DCAF1: variants seen among roughly 807,000 people sequenced by gnomAD.
DCAF1 encodes DDB1 and CUL4 associated factor 1.
In DCAF1, 15 loss-of-function variants were observed where a neutral mutation model predicts 128.0. The observed-to-expected ratio is 0.12, with a 90% confidence interval of 0.08 to 0.18. The LOEUF is 0.18. DCAF1 is among the 10% of genes least tolerant of loss of function. The probability of loss-of-function intolerance (pLI) is 1.00; values close to 1 mark genes in which losing one functional copy is unlikely to be tolerated. For synonymous variants in DCAF1, 610 were observed against 603.0 expected (o/e 1.01, Z -0.17); for missense variants, 988 against 1,649.5 (o/e 0.60, Z 6.95).
chr3:51,499,979 C>A lies in DCAF1; in HGVS notation c.-162G>T, dbSNP rs1305372622. 1 of 150,764 alleles carries A rather than the reference C, an allele frequency of 6.6e-6. No individual in the cohort carries two copies. The highest frequency in any genetic ancestry group is 1.5e-5 in the Non-Finnish European group (1 of 67,576). The allele number at this position is 150,764 out of a possible 1,614,324, so 9.3% of individuals were successfully genotyped here. A position where few individuals can be genotyped will look rare whatever the true frequency, so the allele number is the denominator to read the frequency against. On this transcript the variant is annotated 5_prime_UTR_variant, in exon 1 of 25. Transcript: ENST00000684031. ...CTCACTCTCCACTCACACACACACACAGCGCGACCACGGCTCCACAGCGGC... is the reference window on the plus strand; with the variant it reads ...CTCACTCTCCACTCACACACACACAAAGCGCGACCACGGCTCCACAGCGGC...
rs1429855354 is a variant in DCAF1, at chr3:51,428,459, G to GAACT, written c.1677+798_1677+801dup. 6.0e-5 allele frequency among the ~76,000 whole-genome samples: 9 copies of GAACT among 150,172 alleles called. 1 individual carries two copies. The highest frequency in any genetic ancestry group is 2.0e-4 in the Admixed American group (3 of 14,806). ...CCCACCTCTGCCTCCCAAGTAGCTA[G>GAACT]AACTACAGATGCACACCACAGGGCC... is the stretch of plus-strand genomic sequence containing the variant. On this transcript the variant is annotated intron_variant, in intron 12 of 24. Transcript: ENST00000684031.
At chr3:51,413,129 T>G (rs1698580181) in intron 21 of DCAF1, 63 bp from the exon 22 acceptor site, 1 of 1,601,556 alleles carries the variant, frequency 6.2e-7, no homozygotes, top group African/African-American at 1.3e-5. Context: ...AACCTGCTTT[T>G]CCTCTAAAGG....
intron 15 of DCAF1, 56 bp from the exon 16 acceptor site, chr3:51,418,932 G>A: frequency 6.6e-7 from 1 of 1,512,796 alleles, no homozygotes; most frequent in South Asian, 1.3e-5. Context: ...CTCAGAAAAA[G>A]CAAACTGCTA....
chr3:51,491,777 G>T (rs185716066), intron 2 of DCAF1, among the ~76,000 whole-genome samples: 1 of 152,028 alleles, frequency 6.6e-6, no homozygotes, highest in African/African-American at 2.4e-5. Context: ...TCCAGGAGGC[G>T]GAGGTTGCAG....
chr3:51,491,428 G>C (rs933125284), intron 2 of DCAF1, among the ~76,000 whole-genome samples: 16 of 151,774 alleles, frequency 1.1e-4, no homozygotes, highest in Admixed American at 3.9e-4. Flanking sequence ...GAACAGCATG[G>C]CACTGACATA....
chr3:51,485,969 G>A (rs539893591), intron 2 of DCAF1, among the ~76,000 whole-genome samples: 1 of 150,154 alleles, frequency 6.7e-6, no homozygotes, highest in East Asian at 2.0e-4. Flanking sequence ...TCGGCTCACT[G>A]TAACGTCTAC....
At chr3:51,436,421 C>T (rs569372079) in intron 9 of DCAF1, 1 of 520,060 alleles carries the variant, frequency 1.9e-6, no homozygotes, top group South Asian at 1.4e-5. Context: ...TCTGAGGATG[C>T]TAGAATACGG....
chr3:51,499,373 G>C (rs1251853134), intron 1 of DCAF1, among the ~76,000 whole-genome samples: 1 of 152,176 alleles, frequency 6.6e-6, no homozygotes, highest in African/African-American at 2.4e-5. Context: ...AGGCAGGCGG[G>C]TGCAGGGAGA....
chr3:51,403,083 C>T, intron 24 of DCAF1, 60 bp downstream of exon 24: 1 of 1,543,668 alleles, frequency 6.5e-7, no homozygotes, highest in Non-Finnish European at 8.7e-7. Flanking sequence ...TGTATGGGCA[C>T]AAAAGAAGGG....
intron 3 of DCAF1, among the ~76,000 whole-genome samples, chr3:51,479,140 A>G (rs1360005582): frequency 6.6e-6 from 1 of 152,152 alleles, no homozygotes; most frequent in Non-Finnish European, 1.5e-5. Flanking sequence ...AAATAAAATT[A>G]TATACCATAC....
chr3:51,499,699 T>A (rs1350592628), intron 1 of DCAF1, among the ~76,000 whole-genome samples, 174 bp downstream of exon 1: 1 of 151,364 alleles, frequency 6.6e-6, no homozygotes, highest in Non-Finnish European at 1.5e-5. Flanking sequence ...GGAAAAGTCC[T>A]GTCAGGCCCC....
intron 3 of DCAF1, among the ~76,000 whole-genome samples, chr3:51,473,371 G>A (rs1705000616): frequency 1.4e-5 from 2 of 145,336 alleles, no homozygotes; most frequent in Non-Finnish European, 3.0e-5. Flanking sequence ...AACATGCTCT[G>A]TCCTAAATCA....
At chr3:51,472,854 G>A (rs187259887) in intron 3 of DCAF1, among the ~76,000 whole-genome samples, 65 of 151,316 alleles carry the variant, frequency 4.3e-4, no homozygotes, top group Middle Eastern at 3.4e-3. Flanking sequence ...TAGTAGAGAT[G>A]GGGTTTCTCC....
chr3:51,402,566 A>ATTTCTTTT (rs2089791431), intron 24 of DCAF1, among the ~76,000 whole-genome samples: 1 of 84,984 alleles, frequency 1.2e-5, no homozygotes, highest in Non-Finnish European at 2.0e-5. Context: ...CCTACAAAGC[A>ATTTCTTTT]TTTTTTTTTT....
At chr3:51,491,581 G>A (rs1272374237) in intron 2 of DCAF1, among the ~76,000 whole-genome samples, 2 of 152,156 alleles carry the variant, frequency 1.3e-5, no homozygotes. Flanking sequence ...AGGTGCAGTG[G>A]CTCATGCCTG....
At position 51,471,499 on chromosome 3, in the gene DCAF1, T is replaced by C. The variant is rs185632536; in HGVS notation, c.111-494A>G. 2.6e-5 allele frequency among the ~76,000 whole-genome samples: 4 copies of C among 152,076 alleles called. No individual in the cohort carries two copies. In the East Asian group the frequency reaches 5.8e-4, roughly 22 times the overall value. On this transcript the variant is annotated intron_variant, in intron 3 of 24. Coordinates refer to ENST00000684031, the MANE Select transcript of DCAF1 (RefSeq NM_001387579.1). ...CACCTGGCCCCCAAACTCATTCTTA[T>C]ATAAACTTTCCCTTCTTCAAAAAAT...
intron 3 of DCAF1, among the ~76,000 whole-genome samples, chr3:51,477,419 T>C (rs1348672880): frequency 8.6e-6 from 1 of 116,676 alleles, no homozygotes; most frequent in Admixed American, 8.6e-5. Flanking sequence ...TAAAATAAAA[T>C]AAACTGACCA....
intron 3 of DCAF1, among the ~76,000 whole-genome samples, chr3:51,475,844 G>C (rs1705372863): frequency 6.6e-6 from 1 of 151,848 alleles, no homozygotes; most frequent in African/African-American, 2.4e-5. Context: ...CTGGGCGACA[G>C]AGCGAGACTA....
chr3:51,496,251 G>A (rs1553660911), intron 2 of DCAF1, among the ~76,000 whole-genome samples: 5 of 151,956 alleles, frequency 3.3e-5, no homozygotes, highest in African/African-American at 9.7e-5. Flanking sequence ...TGGTGAAACC[G>A]CATCTCTACT....
Sources: allele counts gnomAD v4.1 joint callset (sites outside exome capture counted in the v4.1 genomes callset), GRCh38; gene constraint gnomAD v4.1.1; transcripts MANE v1.5; gene names NCBI Gene and HGNC (gene_info 2026-07-23, HGNC 2026-07-21).